Variants in SOX6 observed in about 807,000 individuals in gnomAD.
SOX6 encodes transcription factor SOX-6.
Under a neutral mutation model 97.8 loss-of-function variants are expected in SOX6, and 11 were observed. The ratio of observed to expected loss-of-function variants is 0.11; its 90% CI spans 0.07 to 0.19. The LOEUF is 0.19. SOX6 is among the 10% of genes least tolerant of loss of function. SOX6 has a pLI of 1.00. For synonymous variants in SOX6, 360 were observed against 371.4 expected (o/e 0.97, Z 0.35); for missense variants, 810 against 1,039.5 (o/e 0.78, Z 3.04).
chr11:16,209,600 C>T (rs1371992421), intron 4 of SOX6, among the ~76,000 whole-genome samples: 4 of 151,984 alleles, frequency 2.6e-5, no homozygotes, highest in African/African-American at 9.7e-5. Flanking sequence ...TACTAAAATA[C>T]ACAAATTAGC....
In SOX6 at chr11:16,721,472, G is replaced by A. The variant is rs192322361; in HGVS notation, n.354-6567C>T. Among the ~76,000 whole-genome samples the A allele has an allele frequency of 6.9e-5, 10 of 145,972 alleles. No individual in the cohort carries two copies. The East Asian group carries it at 1.9e-3, about 28-fold the overall frequency. ...AAGCAGCCGCCTGAATTTTGATTCA[G>A]TGTCACTGCAATGGGTGGGTCTTTT... On this transcript the variant is annotated intron_variant and non_coding_transcript_variant, in intron 2 of 5. Transcript: ENST00000524520.
At chr11:16,136,344 GTTTTTT>G (rs34244829) in intron 6 of SOX6, among the ~76,000 whole-genome samples, 4 of 129,276 alleles carry the variant, frequency 3.1e-5, no homozygotes, top group African/African-American at 8.6e-5. Context: ...TGTGTGTGTG[GTTTTTT>G]TTTTTTTTTT....
chr11:16,658,503 T>C (rs941301204), intron 3 of SOX6, among the ~76,000 whole-genome samples: 1 of 152,100 alleles, frequency 6.6e-6, no homozygotes, highest in Non-Finnish European at 1.5e-5. Context: ...GGTCAGAAGA[T>C]CGAGACCATC....
At chr11:16,147,137 A>T (rs1208772799) in intron 6 of SOX6, among the ~76,000 whole-genome samples, 1 of 152,110 alleles carries the variant, frequency 6.6e-6, no homozygotes, top group Non-Finnish European at 1.5e-5. Context: ...GATTAAGAAA[A>T]TGTGGCACAT....
intron 1 of SOX6, among the ~76,000 whole-genome samples, chr11:16,459,339 C>A (rs539919321): frequency 6.6e-6 from 1 of 151,728 alleles, no homozygotes; most frequent in Non-Finnish European, 1.5e-5. Context: ...TAACTGCATA[C>A]CAGAAAAAAA....
At chr11:16,602,489 G>T (rs1026478009) in intron 4 of SOX6, among the ~76,000 whole-genome samples, 10 of 151,796 alleles carry the variant, frequency 6.6e-5, no homozygotes, top group African/African-American at 2.2e-4. Flanking sequence ...GATTTATGAG[G>T]TTTTCAAAAC....
chr11:16,370,641 T>G (rs1857474859), intron 1 of SOX6, among the ~76,000 whole-genome samples: 1 of 152,026 alleles, frequency 6.6e-6, no homozygotes, highest in Non-Finnish European at 1.5e-5. Context: ...CATCTCAAAC[T>G]TAACAAGTCC....
chr11:16,691,294 G>A (rs780881371), intron 3 of SOX6, among the ~76,000 whole-genome samples: 5 of 152,130 alleles, frequency 3.3e-5, no homozygotes, highest in Non-Finnish European at 7.3e-5. Flanking sequence ...GAGAAACTGC[G>A]GACACTGTCT....
At chr11:16,674,698 C>T (rs1476650001) in intron 3 of SOX6, among the ~76,000 whole-genome samples, 1 of 152,098 alleles carries the variant, frequency 6.6e-6, no homozygotes, top group African/African-American at 2.4e-5. Flanking sequence ...CACATGTAAT[C>T]CCAGCACTTT....
intron 12 of SOX6, among the ~76,000 whole-genome samples, chr11:16,016,099 C>T (rs1854874968): frequency 6.6e-6 from 1 of 152,006 alleles, no homozygotes; most frequent in Admixed American, 6.6e-5. Flanking sequence ...GATGGAAACA[C>T]TCTGAGTGTT....
intron 2 of SOX6, among the ~76,000 whole-genome samples, chr11:16,729,675 TG>T (rs1379496771): frequency 6.6e-6 from 1 of 152,086 alleles, no homozygotes. Flanking sequence ...CATCAACTAA[TG>T]GGCAAAATAA....
intron 4 of SOX6, among the ~76,000 whole-genome samples, chr11:16,495,502 G>A (rs1280868539): frequency 6.6e-6 from 1 of 152,106 alleles, no homozygotes; most frequent in African/African-American, 2.4e-5. Flanking sequence ...TACTCCTCCT[G>A]GGAACCTGAG....
chr11:16,187,838 C>T (rs1331228515), intron 4 of SOX6, among the ~76,000 whole-genome samples: 1 of 152,070 alleles, frequency 6.6e-6, no homozygotes, highest in African/African-American at 2.4e-5. Flanking sequence ...GAGCATTTTA[C>T]CGCAGCATAA....
At chr11:16,078,980 C>T (rs1037167293) in intron 9 of SOX6, among the ~76,000 whole-genome samples, 1 of 152,142 alleles carries the variant, frequency 6.6e-6, no homozygotes, top group Non-Finnish European at 1.5e-5. Flanking sequence ...GGGGCCAGAT[C>T]ATGTAGGTCT....
intron 6 of SOX6, among the ~76,000 whole-genome samples, chr11:16,183,057 C>T (rs1851384260): frequency 6.6e-6 from 1 of 151,890 alleles, no homozygotes; most frequent in African/African-American, 2.4e-5. Flanking sequence ...ATAGGCATAA[C>T]TCTGTGATCA....
At chr11:16,674,452 G>A (rs1248471883) in intron 3 of SOX6, among the ~76,000 whole-genome samples, 1 of 152,144 alleles carries the variant, frequency 6.6e-6, no homozygotes, top group Non-Finnish European at 1.5e-5. Flanking sequence ...CATACTGACT[G>A]GGGAAAAACT....
intron 4 of SOX6, among the ~76,000 whole-genome samples, chr11:16,503,729 C>T (rs1860742709): frequency 6.6e-6 from 1 of 152,068 alleles, no homozygotes; most frequent in Non-Finnish European, 1.5e-5. Context: ...AAGGGAACAA[C>T]TCAGCAAGAG....
intron 4 of SOX6, among the ~76,000 whole-genome samples, chr11:16,209,862 A>G (rs1852173412): frequency 6.6e-6 from 1 of 152,224 alleles, no homozygotes; most frequent in Non-Finnish European, 1.5e-5. Flanking sequence ...AACTAGCTCC[A>G]ATACTTACTA....
chr11:16,725,226 TA>T (rs1407330916), intron 2 of SOX6, among the ~76,000 whole-genome samples: 4 of 152,278 alleles, frequency 2.6e-5, no homozygotes, highest in African/African-American at 9.6e-5. Flanking sequence ...AAGTGAACCT[TA>T]AAAACATGCC....
Sources: gnomAD v4.1 joint callset for allele counts (sites outside exome capture counted in the v4.1 genomes callset) on GRCh38, gnomAD v4.1.1 for gene constraint, MANE v1.5 for transcripts, NCBI Gene and HGNC (gene_info 2026-07-23, HGNC 2026-07-21) for gene names.